The following SFSWAP variants were observed in gnomAD, a reference collection of about 807,000 sequenced individuals.
The protein encoded by SFSWAP is splicing factor, suppressor of white-apricot homolog.
Under a neutral mutation model 100.7 loss-of-function variants are expected in SFSWAP, and 17 were observed. The observed-to-expected ratio is 0.17, with a 90% CI of 0.12 to 0.25. SFSWAP has a LOEUF of 0.25. Ranked by LOEUF, SFSWAP falls within the 10% of genes least tolerant of loss-of-function variation. The pLI is 1.00. For missense variants in SFSWAP, 1,005 were observed against 1,262.6 expected, an observed-to-expected ratio of 0.80 and a Z score of 3.09; for synonymous variants, 504 against 510.1, an observed-to-expected ratio of 0.99 and a Z score of 0.16.
At chr12:131,737,971 C>T (rs1364256107) in intron 7 of SFSWAP, among the ~76,000 whole-genome samples, 1 of 152,052 alleles carries the variant, frequency 6.6e-6, no homozygotes, top group East Asian at 1.9e-4. Context: ...AGCTATAAAT[C>T]CTTATAGAAG....
rs1456021682 is a variant in SFSWAP, at chr12:131,713,954, G to GT, written c.219-114dup. 10 of 586,666 alleles carry GT rather than the reference G, an allele frequency of 1.7e-5. No homozygotes were observed. In the South Asian group the frequency reaches 4.3e-4, roughly 25 times the overall value. 36.3% of individuals were successfully genotyped at this position (586,666 alleles called of 1,614,324 possible). A position where few individuals can be genotyped will look rare whatever the true frequency, so the allele number is the denominator to read the frequency against. On this transcript the variant is annotated intron_variant, in intron 1 of 17. Transcript: ENST00000261674. ...TTTTTATACTTGTTTTAATATTTTT[G>GT]TTTATTTTAATCGGTAAGTATGTGT... is the stretch of plus-strand genomic sequence containing the variant.
intron 4 of SFSWAP, 132 bp downstream of exon 4, chr12:131,719,671 A>G: frequency 4.3e-6 from 3 of 704,636 alleles, no homozygotes; most frequent in South Asian, 3.6e-5. Context: ...TTGTGAGTTA[A>G]TGGAGAAAAA....
intron 8 of SFSWAP, 80 bp downstream of exon 8, chr12:131,753,443 G>A (rs1881858320): frequency 6.7e-7 from 1 of 1,497,010 alleles, no homozygotes; most frequent in South Asian, 1.3e-5. Flanking sequence ...TCTCCATGGG[G>A]GGCTTGTAAT....
At chr12:131,785,056 G>A in intron 14 of SFSWAP, 1 of 1,530,072 alleles carries the variant, frequency 6.5e-7, no homozygotes, top group East Asian at 2.5e-5. Flanking sequence ...TGTGAAGTGT[G>A]TGCCTCCGTG....
At chr12:131,765,284 T>C (rs1243118525) in intron 12 of SFSWAP, among the ~76,000 whole-genome samples, 2 of 152,262 alleles carry the variant, frequency 1.3e-5, no homozygotes, top group Non-Finnish European at 2.9e-5. Context: ...GTGGTTGTTA[T>C]CTATTCTAAC....
chr12:131,736,029 G>A (rs1879984733), intron 7 of SFSWAP, among the ~76,000 whole-genome samples: 1 of 152,212 alleles, frequency 6.6e-6, no homozygotes, highest in African/African-American at 2.4e-5. Flanking sequence ...CCTGGTGTTT[G>A]TCATGGCACC....
intron 14 of SFSWAP, among the ~76,000 whole-genome samples, chr12:131,780,801 A>G (rs1025716278): frequency 2.6e-5 from 4 of 152,216 alleles, no homozygotes; most frequent in African/African-American, 4.8e-5. Flanking sequence ...TTCCTTTTCT[A>G]CAGGCTCAAA....
At chr12:131,746,904 A>G (rs999168144) in intron 7 of SFSWAP, among the ~76,000 whole-genome samples, 2 of 152,106 alleles carry the variant, frequency 1.3e-5, no homozygotes, top group Non-Finnish European at 2.9e-5. Context: ...GGAGATCGAG[A>G]CCATCCTGGC....
In SFSWAP at chr12:131,711,680, G is replaced by C. The variant is rs1179607988; in HGVS notation, c.218+233G>C. The C allele has an allele frequency of 1.9e-6, 1 of 533,962 alleles. No homozygotes were observed. Among genetic ancestry groups the C allele is most frequent in the Admixed American group, 3.3e-5 (1 of 29,926 alleles). 33.1% of individuals were successfully genotyped at this position (533,962 alleles called of 1,614,324 possible). ...TGCCGCGTCCGTCTCCGGAGGGATCGTCTCTGGTCCCGCAGCCCCTCTCGA... is the reference window on the plus strand; with the variant it reads ...TGCCGCGTCCGTCTCCGGAGGGATCCTCTCTGGTCCCGCAGCCCCTCTCGA... On this transcript the variant is annotated intron_variant, in intron 1 of 17. Coordinates refer to ENST00000261674, the MANE Select transcript of SFSWAP (RefSeq NM_004592.4). This position sits in a 1 kb window ranked among gnomAD's most constrained non-coding sequence, Gnocchi z 4.9.
At chr12:131,736,313 T>C (rs1389393896) in intron 7 of SFSWAP, among the ~76,000 whole-genome samples, 1 of 152,182 alleles carries the variant, frequency 6.6e-6, no homozygotes, top group African/African-American at 2.4e-5. Context: ...TAAATGCCAG[T>C]TGTGGAAATT....
intron 6 of SFSWAP, 33 bp downstream of exon 6, chr12:131,727,085 G>A: frequency 1.6e-6 from 2 of 1,283,376 alleles, no homozygotes; most frequent in Non-Finnish European, 2.3e-6. Flanking sequence ...ATATTTTTAT[G>A]CCACCACAAA....
intron 13 of SFSWAP, among the ~76,000 whole-genome samples, chr12:131,774,017 G>C (rs769902925): frequency 2.6e-5 from 4 of 152,208 alleles, no homozygotes; most frequent in Non-Finnish European, 4.4e-5. Flanking sequence ...GGCAGAACCG[G>C]AATGACAATG....
At chr12:131,742,624 G>C (rs977260631) in intron 7 of SFSWAP, among the ~76,000 whole-genome samples, 4 of 147,722 alleles carry the variant, frequency 2.7e-5, no homozygotes, top group Non-Finnish European at 3.0e-5. Context: ...GTCTTCTCTT[G>C]TTGGGGGACT....
chr12:131,799,418 C>T lies in SFSWAP; in HGVS notation c.2791-5C>T, dbSNP rs772357869. ...AGGTTCTCCTCTGTGTCTCGCCCTG[C>T]ACAGGATCTCATGGCCAAAGTCAGA... On this transcript the variant is annotated splice_region_variant and splice_polypyrimidine_tract_variant and intron_variant, in intron 17 of 17. Coordinates refer to ENST00000261674, the MANE Select transcript of SFSWAP (RefSeq NM_004592.4). The T allele has an allele frequency of 1.2e-6, 2 of 1,614,058 alleles. No homozygotes were observed. Among genetic ancestry groups the T allele is most frequent in the South Asian group, 2.2e-5 (2 of 91,082 alleles).
At position 131,785,094 on chromosome 12, in the gene SFSWAP, G is replaced by A. The variant is rs777643753; in HGVS notation, c.2409-1369G>A. The A allele has an allele frequency of 1.6e-5, 24 of 1,535,358 alleles. No individual in the cohort carries two copies. The South Asian group carries it at 1.9e-4, about 12-fold the overall frequency. ...ACAGAGTCACAGCCTCCCCAGGGAC[G>A]CTGCGCGCGGAGCCCTGTCAGAGCA... On this transcript the variant is annotated intron_variant, in intron 14 of 17. Transcript: ENST00000261674.
intron 6 of SFSWAP, among the ~76,000 whole-genome samples, chr12:131,727,316 T>C (rs1000639836): frequency 6.6e-6 from 1 of 152,234 alleles, no homozygotes; most frequent in South Asian, 2.1e-4. Flanking sequence ...CTTTGAGATA[T>C]TTAGAGTTCC....
chr12:131,777,651 A>G (rs1295439929), intron 13 of SFSWAP, among the ~76,000 whole-genome samples: 2 of 152,244 alleles, frequency 1.3e-5, no homozygotes, highest in Non-Finnish European at 2.9e-5. Flanking sequence ...TCCTTTGGGT[A>G]TATACCCAGT....
At chr12:131,758,931 A>T (rs1176096958) in intron 11 of SFSWAP, among the ~76,000 whole-genome samples, 2 of 151,998 alleles carry the variant, frequency 1.3e-5, no homozygotes, top group African/African-American at 4.8e-5. Flanking sequence ...CAAAAAATTA[A>T]ATTAAATTAG....
chr12:131,760,704 G>A (rs1882591727), intron 11 of SFSWAP, among the ~76,000 whole-genome samples: 2 of 152,134 alleles, frequency 1.3e-5, no homozygotes, highest in South Asian at 4.1e-4. Context: ...ATTGTGAATT[G>A]ACATGTCCAT....
Sources: allele counts gnomAD v4.1 joint callset (sites outside exome capture counted in the v4.1 genomes callset), GRCh38; gene constraint gnomAD v4.1.1; non-coding constraint Gnocchi (gnomAD v3.1); transcripts MANE v1.5; gene names NCBI Gene and HGNC (gene_info 2026-07-23, HGNC 2026-07-21).